The following ITGA8 variants were observed in gnomAD, a reference collection of about 807,000 sequenced individuals.
The protein encoded by ITGA8 is integrin subunit alpha 8, also known as integrin alpha-8.
ITGA8 carries 91 observed loss-of-function variants against 142.3 expected under a neutral mutation model. The ratio of observed to expected loss-of-function variants is 0.64; its 90% CI spans 0.54 to 0.76. ITGA8 has a LOEUF of 0.76. Among genes scored for constraint, ITGA8 ranks in the 30% least tolerant of loss-of-function variants. The pLI is 0.00. For synonymous variants in ITGA8, 505 were observed against 485.2 expected (o/e 1.04, Z -0.54); for missense variants, 1,406 against 1,327.7 (o/e 1.06, Z -0.92).
At chr10:15,625,808 C>G (rs961997649) in intron 13 of ITGA8, among the ~76,000 whole-genome samples, 1 of 152,138 alleles carries the variant, frequency 6.6e-6, no homozygotes, top group Non-Finnish European at 1.5e-5. Flanking sequence ...TATGAGGGTA[C>G]GGGAGTCCTC....
intron 27 of ITGA8, among the ~76,000 whole-genome samples, chr10:15,544,499 T>G (rs1833632862): frequency 6.6e-6 from 1 of 152,176 alleles, no homozygotes; most frequent in South Asian, 2.1e-4. Context: ...TAGTTTGTGG[T>G]CCTTTGTTGC....
intron 24 of ITGA8, among the ~76,000 whole-genome samples, chr10:15,573,221 A>G (rs886140670): frequency 6.6e-5 from 10 of 152,286 alleles, no homozygotes; most frequent in Admixed American, 2.6e-4. Flanking sequence ...GAGATTAGCA[A>G]TGTACACAAT....
At chr10:15,716,767 T>C (rs566881175) in intron 2 of ITGA8, among the ~76,000 whole-genome samples, 1 of 148,998 alleles carries the variant, frequency 6.7e-6, no homozygotes, top group South Asian at 2.1e-4. Context: ...CCCTCCTGGG[T>C]TCAAGCAATT....
At chr10:15,666,248 G>A (rs939005876) in intron 8 of ITGA8, among the ~76,000 whole-genome samples, 3 of 152,074 alleles carry the variant, frequency 2.0e-5, no homozygotes, top group Admixed American at 2.0e-4. Flanking sequence ...CTTGTAAGTT[G>A]GATTCCTAGG....
At chr10:15,665,428 A>G (rs890082981) in intron 8 of ITGA8, among the ~76,000 whole-genome samples, 12 of 152,148 alleles carry the variant, frequency 7.9e-5, no homozygotes, top group Non-Finnish European at 1.8e-4. Context: ...TCTTTGTCAG[A>G]TGAGTAGGTT....
chr10:15,565,957 G>T (rs2131576604), intron 25 of ITGA8, among the ~76,000 whole-genome samples: 1 of 152,040 alleles, frequency 6.6e-6, no homozygotes, highest in South Asian at 2.1e-4. Flanking sequence ...AGGGAAAGAG[G>T]TCAAGAACTG....
At chr10:15,597,402 A>G (rs756373416) in intron 20 of ITGA8, 103 bp from the exon 21 acceptor site, 4 of 855,984 alleles carry the variant, frequency 4.7e-6, no homozygotes, top group Non-Finnish European at 8.0e-6. Context: ...TCAAACACCC[A>G]GGAGGGCGAT....
Position 15,613,759 on chromosome 10 carries a change from G to A in ITGA8, c.1454C>T (p.Pro485Leu), listed in dbSNP as rs761508386. Reference protein sequence around the residue: ...TGKVAVYRARPVVTVDAQLLL... With the variant: ...TGKVAVYRARLVVTVDAQLLL... The stretch of plus-strand genomic sequence containing the variant: ...AAGCTGGGCATCTACAGTCACAACC[G>A]GTCTTGCTCTGCGGGGAGAAAATGC... The change falls in exon 15 of 30, where the codon CCG (proline) becomes CTG (leucine). Residue 485 changes from proline to leucine, a missense_variant. Transcript: ENST00000378076. The A allele has an allele frequency of 2.6e-5, 42 of 1,612,398 alleles. No homozygotes were observed. Among genetic ancestry groups the A allele is most frequent in the East Asian group, 1.1e-4 (5 of 44,880 alleles).
At chr10:15,705,542 T>G (rs1339678726) in intron 2 of ITGA8, among the ~76,000 whole-genome samples, 1 of 152,222 alleles carries the variant, frequency 6.6e-6, no homozygotes, top group East Asian at 1.9e-4. Flanking sequence ...GACTATGGTC[T>G]CTCTCTCTTA....
chr10:15,695,596 G>C (rs932063763), intron 2 of ITGA8, among the ~76,000 whole-genome samples: 1 of 152,146 alleles, frequency 6.6e-6, no homozygotes, highest in Non-Finnish European at 1.5e-5. Flanking sequence ...CTGACCTTTA[G>C]TGAAAACTAC....
At chr10:15,682,126 T>A (rs916063805) in intron 4 of ITGA8, among the ~76,000 whole-genome samples, 1 of 152,166 alleles carries the variant, frequency 6.6e-6, no homozygotes, top group Non-Finnish European at 1.5e-5. Flanking sequence ...AAAATGCTGC[T>A]CCTCCCCTGG....
rs763725317 is a variant in ITGA8 at position 15,672,722 on chromosome 10, T to C, written c.704A>G (p.Asp235Gly). The C allele has an allele frequency of 6.8e-6, 11 of 1,612,362 alleles. No individual in the cohort carries two copies. Among genetic ancestry groups the C allele is most frequent in the African/African-American group, 2.7e-5 (2 of 74,814 alleles). ...QGQVITASVADIIANYSFKDI... is the reference protein window; with the variant it reads ...QGQVITASVAGIIANYSFKDI... ...CTTGAATGAGTAATTTGCAATGATA[T>C]CTGCAACACTGGCAGTGATCACTTG... The change falls in exon 7 of 30, where the codon GAT becomes GGT. Residue 235 changes from aspartate (D) to glycine (G), a missense_variant. Asp to Gly is a moderately conservative substitution (Grantham distance 94). Coordinates refer to ENST00000378076, the MANE Select transcript of ITGA8 (RefSeq NM_003638.3).
intron 2 of ITGA8, among the ~76,000 whole-genome samples, chr10:15,715,700 G>A (rs1835437653): frequency 6.6e-6 from 1 of 152,266 alleles, no homozygotes; most frequent in Non-Finnish European, 1.5e-5. Flanking sequence ...CCCAGAGCCA[G>A]TGATGTCTGT....
chr10:15,554,579 A>T (rs1166766431), intron 26 of ITGA8, among the ~76,000 whole-genome samples: 1 of 152,234 alleles, frequency 6.6e-6, no homozygotes, highest in Middle Eastern at 3.4e-3. Context: ...ATGCACATGC[A>T]CCCAGGTCCC....
chr10:15,680,666 C>G (rs931581983), intron 4 of ITGA8, among the ~76,000 whole-genome samples: 2 of 151,876 alleles, frequency 1.3e-5, no homozygotes, highest in African/African-American at 4.8e-5. Context: ...TCAACCCTGA[C>G]TTTTTATTTT....
intron 26 of ITGA8, among the ~76,000 whole-genome samples, chr10:15,549,780 A>G (rs927600431): frequency 6.6e-6 from 1 of 152,256 alleles, no homozygotes; most frequent in Non-Finnish European, 1.5e-5. Context: ...ACACAGAATA[A>G]TCCAAGGAAC....
chr10:15,673,357 A>G (rs779131952), intron 6 of ITGA8, among the ~76,000 whole-genome samples: 2 of 152,226 alleles, frequency 1.3e-5, no homozygotes, highest in Non-Finnish European at 2.9e-5. Context: ...TGCTGGGATT[A>G]CAGGTGTGAG....
chr10:15,553,449 A>G (rs930572815), intron 26 of ITGA8, among the ~76,000 whole-genome samples: 1 of 152,172 alleles, frequency 6.6e-6, no homozygotes, highest in African/African-American at 2.4e-5. Flanking sequence ...TCTACTGTCA[A>G]GATGAAATAA....
chr10:15,639,006 G>C (rs556379671), intron 13 of ITGA8, among the ~76,000 whole-genome samples: 6 of 152,190 alleles, frequency 3.9e-5, no homozygotes, highest in African/African-American at 1.4e-4. Context: ...GCCTGCTCCT[G>C]TGGTCCCAGC....
Sources: gnomAD v4.1 joint callset for allele counts (sites outside exome capture counted in the v4.1 genomes callset) on GRCh38, gnomAD v4.1.1 for gene constraint, MANE v1.5 for transcripts, NCBI Gene and HGNC (gene_info 2026-07-23, HGNC 2026-07-21) for gene names.